SYTL3: variants seen among roughly 807,000 people sequenced by gnomAD.
SYTL3 encodes the protein synaptotagmin-like protein 3.
In SYTL3, 88 loss-of-function variants were observed where a neutral mutation model predicts 82.1. The ratio of observed to expected loss-of-function variants is 1.07; its 90% CI spans 0.90 to 1.28. The LOEUF is 1.28. Among genes scored for constraint, SYTL3 ranks in the 50% most tolerant of loss-of-function variants. The pLI, the probability that SYTL3 is intolerant of heterozygous loss-of-function variation, is 0.00. For missense variants in SYTL3, 831 were observed against 757.6 expected (o/e 1.10, Z -1.14); for synonymous variants, 311 against 289.4 (o/e 1.07, Z -0.76).
Position 158,762,179 on chromosome 6 carries a change from G to C in SYTL3, c.1517+1G>C. 2 of 1,607,466 alleles carry C rather than the reference G, an allele frequency of 1.2e-6. No individual in the cohort carries two copies. Among genetic ancestry groups the C allele is most frequent in the Non-Finnish European group, 1.7e-6 (2 of 1,174,310 alleles). ...GCACCTTGAACTCATTTGTTAAGGG[G>C]TAGGTATTCGATGTAATCAAATATT... is the stretch of plus-strand genomic sequence containing the variant. On this transcript the variant is annotated splice_donor_variant, in intron 16 of 17. Transcript: ENST00000611299. LOFTEE classifies it high-confidence loss of function.
intron 4 of SYTL3, 21 bp from the exon 5 acceptor site, chr6:158,665,374 C>T: frequency 6.4e-7 from 1 of 1,558,576 alleles, no homozygotes. Flanking sequence ...ATACTATCTT[C>T]TTTAACTCTG....
At chr6:158,716,050 C>T (rs1783385222) in intron 9 of SYTL3, among the ~76,000 whole-genome samples, 1 of 152,030 alleles carries the variant, frequency 6.6e-6, no homozygotes, top group Non-Finnish European at 1.5e-5. Context: ...GAAAGGTGAC[C>T]CAGAATTACA....
At position 158,697,428 on chromosome 6, in the gene SYTL3, C is replaced by T. The variant is rs561690675; in HGVS notation, c.395-9802C>T. ...TCCAGCCTGGGTGATGGAGCAAAGA[C>T]CCTGTCTCAAATCAGTCAATCAATC... On this transcript the variant is annotated intron_variant, in intron 6 of 17. Coordinates refer to ENST00000611299, the MANE Select transcript of SYTL3 (RefSeq NM_001242394.2). 2.7e-3 allele frequency among the ~76,000 whole-genome samples: 407 copies of T among 151,854 alleles called. 2 individuals carry two copies. Among genetic ancestry groups the T allele is most frequent in the Middle Eastern group, 6.8e-3 (2 of 294 alleles).
intron 10 of SYTL3, among the ~76,000 whole-genome samples, chr6:158,722,188 TCTTA>T (rs1784193082): frequency 1.3e-5 from 2 of 152,120 alleles, no homozygotes; most frequent in South Asian, 2.1e-4. Context: ...TGAGACAGGG[TCTTA>T]CTTTGTCACC....
chr6:158,748,958 T>G (rs1788005640), intron 12 of SYTL3, among the ~76,000 whole-genome samples: 4 of 151,546 alleles, frequency 2.6e-5, no homozygotes, highest in African/African-American at 9.7e-5. Context: ...TGGGGGCTCA[T>G]GGCTGCAAGC....
At chr6:158,663,526 T>C (rs1351852771) in intron 4 of SYTL3, 148 bp downstream of exon 4, 2 of 1,446,294 alleles carry the variant, frequency 1.4e-6, no homozygotes, top group East Asian at 2.5e-5. Flanking sequence ...CGAAGGTCTG[T>C]TGGTGGAGAT....
chr6:158,729,711 C>A (rs1469806397), intron 11 of SYTL3, among the ~76,000 whole-genome samples: 1 of 151,564 alleles, frequency 6.6e-6, no homozygotes, highest in Non-Finnish European at 1.5e-5. Context: ...GGACTACAGG[C>A]GCCCGCCACC....
intron 12 of SYTL3, among the ~76,000 whole-genome samples, chr6:158,748,120 G>A (rs983134448): frequency 2.0e-5 from 3 of 150,166 alleles, no homozygotes; most frequent in Non-Finnish European, 3.0e-5. Context: ...CATTACAAGC[G>A]GAATTGATTT....
Position 158,763,503 on chromosome 6 carries a change from G to A in SYTL3, c.1717G>A (p.Gly573Ser), listed in dbSNP as rs1249653036. 1.2e-6 allele frequency: 2 copies of A among 1,613,776 alleles called. No individual in the cohort carries two copies. Among genetic ancestry groups the A allele is most frequent in the East Asian group, 2.2e-5 (1 of 44,852 alleles). Reference protein sequence around the residue: ...NDRLLGGTRLGSKGDTAVGGD... With the variant: ...NDRLLGGTRLSSKGDTAVGGD... ...CCGCTTGCTTGGAGGAACCAGACTT[G>A]GTTCAAGTAAGTCTGAGACATTGAG... Residue 573 changes from glycine (G) to serine (S), a missense_variant, in exon 17 of 18, where the codon GGT (glycine) becomes AGT (serine). Gly to Ser is a moderately conservative substitution (Grantham distance 56). Coordinates refer to ENST00000611299, the MANE Select transcript of SYTL3 (RefSeq NM_001242394.2).
At chr6:158,725,913 G>T in intron 11 of SYTL3, 1 of 684,622 alleles carries the variant, frequency 1.5e-6, no homozygotes, top group Non-Finnish European at 2.7e-6. Flanking sequence ...TTTCTATAAT[G>T]CAGCATTCTG....
At chr6:158,714,703 T>G (rs1783160307) in intron 9 of SYTL3, among the ~76,000 whole-genome samples, 1 of 152,228 alleles carries the variant, frequency 6.6e-6, no homozygotes, top group African/African-American at 2.4e-5. Flanking sequence ...CTTAGTGTGC[T>G]CAAGGGTCCT....
chr6:158,754,256 C>A (rs1479730411), intron 13 of SYTL3, among the ~76,000 whole-genome samples: 1 of 152,160 alleles, frequency 6.6e-6, no homozygotes, highest in African/African-American at 2.4e-5. Context: ...GACTTGTACC[C>A]CATTTGACAC....
At chr6:158,665,309 T>TG (rs1789900898) in intron 4 of SYTL3, 86 bp from the exon 5 acceptor site, 10 of 1,282,918 alleles carry the variant, frequency 7.8e-6, no homozygotes, top group Middle Eastern at 4.3e-4. Flanking sequence ...TCCCTTGCCA[T>TG]GGGGGTTACT....
At chr6:158,700,832 G>A (rs554214663) in intron 6 of SYTL3, among the ~76,000 whole-genome samples, 57 of 152,030 alleles carry the variant, frequency 3.7e-4, no homozygotes, top group East Asian at 3.9e-4. Context: ...TAGCCAGGAT[G>A]GTCTCGATCT....
At chr6:158,667,635 C>T (rs1790236731) in intron 5 of SYTL3, among the ~76,000 whole-genome samples, 1 of 152,212 alleles carries the variant, frequency 6.6e-6, no homozygotes, top group Admixed American at 6.5e-5. Flanking sequence ...CATTGTCTCC[C>T]CTGCTTCTTC....
At chr6:158,755,356 T>C (rs367733779) in intron 13 of SYTL3, among the ~76,000 whole-genome samples, 41 of 152,004 alleles carry the variant, frequency 2.7e-4, no homozygotes, top group East Asian at 2.1e-3. Context: ...AAAAAAGATA[T>C]GGACCCATAG....
At chr6:158,680,102 C>T (rs780169663) in intron 5 of SYTL3, among the ~76,000 whole-genome samples, 9 of 152,120 alleles carry the variant, frequency 5.9e-5, no homozygotes, top group Non-Finnish European at 1.0e-4. Context: ...CTTTCTGTCC[C>T]CTCCTCTAAG....
intron 9 of SYTL3, among the ~76,000 whole-genome samples, chr6:158,714,927 A>G (rs1202382448): frequency 6.6e-6 from 1 of 152,200 alleles, no homozygotes; most frequent in African/African-American, 2.4e-5. Context: ...GATGAGCAGA[A>G]ACAGTCGTCT....
chr6:158,678,579 A>C (rs1778315334), intron 5 of SYTL3, among the ~76,000 whole-genome samples: 2 of 152,340 alleles, frequency 1.3e-5, no homozygotes, highest in Admixed American at 1.3e-4. Flanking sequence ...GTTTTTCAAC[A>C]GTTATTTCTC....
Sources: gnomAD v4.1 joint callset for allele counts (sites outside exome capture counted in the v4.1 genomes callset) on GRCh38, gnomAD v4.1.1 for gene constraint, MANE v1.5 for transcripts, NCBI Gene and HGNC (gene_info 2026-07-23, HGNC 2026-07-21) for gene names.